Variants in PXT1 observed in about 807,000 individuals in gnomAD.
PXT1 encodes the protein peroxisomal testis-specific protein 1.
Under a neutral mutation model 11.0 loss-of-function variants are expected in PXT1, and 11 were observed. The ratio of observed to expected loss-of-function variants is 1.00; its 90% CI spans 0.63 to 1.66. The LOEUF is 1.66. Ranked by LOEUF, PXT1 falls within the 40% of genes most tolerant of loss-of-function variation. PXT1 has a pLI of 0.00. For synonymous variants in PXT1, 43 were observed against 51.4 expected (o/e 0.84, Z 0.70); for missense variants, 141 against 155.5 (o/e 0.91, Z 0.49).
intron 3 of PXT1, among the ~76,000 whole-genome samples, chr6:36,421,095 A>G (rs1774518675): frequency 6.6e-6 from 1 of 151,574 alleles, no homozygotes; most frequent in Admixed American, 6.6e-5. Context: ...TCATAATTGT[A>G]TTGTGGTTAT....
At chr6:36,441,816 C>A (rs992149543) in intron 1 of PXT1, among the ~76,000 whole-genome samples, 1 of 152,090 alleles carries the variant, frequency 6.6e-6, no homozygotes, top group African/African-American at 2.4e-5. Context: ...AATTTTTTGA[C>A]CCTGATAAAA....
chr6:36,427,835 C>T (rs886581178), intron 2 of PXT1, among the ~76,000 whole-genome samples: 32 of 152,088 alleles, frequency 2.1e-4, no homozygotes, highest in African/African-American at 6.8e-4. Flanking sequence ...CTTTACTGGA[C>T]GGCCAGCCAT....
At chr6:36,418,168 C>T (rs2127414825) in intron 3 of PXT1, among the ~76,000 whole-genome samples, 1 of 152,082 alleles carries the variant, frequency 6.6e-6, no homozygotes, top group East Asian at 1.9e-4. Flanking sequence ...TGCACTCCAG[C>T]CTGGGCGACA....
intron 1 of PXT1, 27 bp downstream of exon 1, chr6:36,442,508 G>A (rs999556955): frequency 2.0e-5 from 3 of 152,136 alleles, no homozygotes; most frequent in Admixed American, 6.6e-5. Context: ...TTTAAAATTT[G>A]TAATACACCT....
At chr6:36,417,366 A>C (rs1388207549) in intron 3 of PXT1, among the ~76,000 whole-genome samples, 3 of 152,098 alleles carry the variant, frequency 2.0e-5, no homozygotes, top group African/African-American at 7.2e-5. Context: ...ATAATAATTT[A>C]ACATCAAATA....
intron 3 of PXT1, among the ~76,000 whole-genome samples, chr6:36,414,763 A>G (rs1187476687): frequency 3.9e-5 from 6 of 152,230 alleles, no homozygotes; most frequent in Non-Finnish European, 8.8e-5. Context: ...ATTCTGGGCC[A>G]TCTGCTGCCA....
chr6:36,433,662 A>G (rs1774724151), intron 2 of PXT1, among the ~76,000 whole-genome samples: 1 of 150,864 alleles, frequency 6.6e-6, no homozygotes, highest in Admixed American at 6.6e-5. Flanking sequence ...ACCAAAAAAT[A>G]CAAAAAAAAA....
intron 1 of PXT1, among the ~76,000 whole-genome samples, chr6:36,441,354 C>T (rs542086596): frequency 1.3e-3 from 196 of 152,262 alleles, no homozygotes; most frequent in African/African-American, 4.0e-3. Context: ...TGGTTTATAG[C>T]CATGTGTTTA....
Position 36,409,957 on chromosome 6 carries a change from A to AAG in PXT1, c.170-9375_170-9374dup, listed in dbSNP as rs1317487168. On this transcript the variant is annotated intron_variant, in intron 3 of 4. Coordinates refer to ENST00000454782, the MANE Select transcript of PXT1 (RefSeq NM_152990.4). ...CGAAGGAAAGAAAGAAAGAGAAAGG[A>AAG]AGAAAGAGAAAAAAGAAAGAAAGAA... 5.0e-3 allele frequency among the ~76,000 whole-genome samples: 182 copies of AAG among 36,316 alleles called. 2 individuals are homozygous for AAG. In the African/African-American group the frequency reaches 0.054, roughly 11 times the overall value. The allele number at this position is 36,316 out of a possible 152,430, so 23.8% of individuals were successfully genotyped here. A position where few individuals can be genotyped will look rare whatever the true frequency, so the allele number is the denominator to read the frequency against.
chr6:36,408,100 T>G (rs1389025152), intron 3 of PXT1, among the ~76,000 whole-genome samples: 1 of 151,798 alleles, frequency 6.6e-6, no homozygotes, highest in Non-Finnish European at 1.5e-5. Context: ...TAGCTGGGAT[T>G]ACAGGAGCCT....
At chr6:36,419,518 C>A (rs1774494254) in intron 3 of PXT1, among the ~76,000 whole-genome samples, 3 of 152,052 alleles carry the variant, frequency 2.0e-5, no homozygotes, top group Admixed American at 2.0e-4. Context: ...ACGCCAAAAG[C>A]AAAAGCATGT....
At chr6:36,404,966 G>C (rs565415654) in intron 3 of PXT1, among the ~76,000 whole-genome samples, 1 of 152,004 alleles carries the variant, frequency 6.6e-6, no homozygotes, top group African/African-American at 2.4e-5. Flanking sequence ...CCAAAAAAAA[G>C]AAAAAAGTTA....
chr6:36,439,331 G>T (rs1470231461), intron 1 of PXT1, among the ~76,000 whole-genome samples: 1 of 151,622 alleles, frequency 6.6e-6, no homozygotes, highest in East Asian at 2.0e-4. Flanking sequence ...ATATAAGGTG[G>T]CTGGGAGTGG....
intron 4 of PXT1, 154 bp from the exon 5 acceptor site, chr6:36,392,028 G>A (rs1774076347): frequency 3.3e-6 from 2 of 597,184 alleles, no homozygotes; most frequent in Non-Finnish European, 5.9e-6. Context: ...TGTATGAGCT[G>A]AAGGACAGTA....
chr6:36,442,455 TTTACTC>T (rs2127420903), intron 1 of PXT1, 74 bp downstream of exon 1: 1 of 152,342 alleles, frequency 6.6e-6, no homozygotes, highest in African/African-American at 2.4e-5. Flanking sequence ...GCTGAAATCT[TTTACTC>T]ATAACACAGT....
chr6:36,426,199 A>G (rs1023489054), intron 2 of PXT1, 108 bp from the exon 3 acceptor site: 2 of 707,590 alleles, frequency 2.8e-6, no homozygotes, highest in South Asian at 2.1e-5. Flanking sequence ...TATTCCACAT[A>G]TAAGAGAGTT....
intron 3 of PXT1, 59 bp from the exon 4 acceptor site, chr6:36,400,643 C>T (rs778171474): frequency 9.8e-6 from 15 of 1,529,312 alleles, no homozygotes; most frequent in Non-Finnish European, 1.1e-5. Flanking sequence ...TGTAAAATCA[C>T]TTACCACTAG....
At chr6:36,396,329 G>C (rs1004049462) in intron 4 of PXT1, among the ~76,000 whole-genome samples, 1 of 152,138 alleles carries the variant, frequency 6.6e-6, no homozygotes, top group African/African-American at 2.4e-5. Context: ...AGCTCCCTGG[G>C]TGCCACTGTG....
At chr6:36,401,539 C>T (rs1320770214) in intron 3 of PXT1, among the ~76,000 whole-genome samples, 1 of 151,370 alleles carries the variant, frequency 6.6e-6, no homozygotes. Flanking sequence ...ATTGCTTGAG[C>T]CCGGGAGGGG....
Sources: gnomAD v4.1 joint callset for allele counts (sites outside exome capture counted in the v4.1 genomes callset) on GRCh38, gnomAD v4.1.1 for gene constraint, MANE v1.5 for transcripts, NCBI Gene and HGNC (gene_info 2026-07-23, HGNC 2026-07-21) for gene names.